The following RBM26 variants were observed in gnomAD, a reference collection of about 807,000 sequenced individuals.
RBM26 encodes the protein RNA-binding protein 26.
A neutral mutation model predicts 123.6 loss-of-function variants in RBM26; 30 were observed. That is an observed-to-expected ratio of 0.24 (90% CI 0.18 to 0.33). The LOEUF is 0.33. RBM26 is among the 10% of genes least tolerant of loss of function. RBM26 has a pLI of 1.00. For missense variants in RBM26, 947 were observed against 1,203.6 expected (o/e 0.79, Z 3.15); for synonymous variants, 400 against 404.4 (o/e 0.99, Z 0.13).
At chr13:79,375,078 A>ATC (rs2076529996) in intron 3 of RBM26, among the ~76,000 whole-genome samples, 1 of 24,794 alleles carries the variant, frequency 4.0e-5, no homozygotes, top group Non-Finnish European at 7.1e-5. Context: ...TATTTATATG[A>ATC]TATATATAAA....
intron 1 of RBM26, among the ~76,000 whole-genome samples, chr13:79,405,029 T>C (rs139310372): frequency 6.6e-6 from 1 of 152,318 alleles, no homozygotes; most frequent in East Asian, 1.9e-4. Flanking sequence ...ACTCCTTAAA[T>C]TTTCCAATCT....
chr13:79,355,429 G>A, intron 11 of RBM26, 45 bp from the exon 12 acceptor site: 6 of 1,515,496 alleles, frequency 4.0e-6, no homozygotes, highest in Non-Finnish European at 5.4e-6. Context: ...AAAGGAATCT[G>A]TTGCTTCATA....
At chr13:79,345,456 A>G (rs1471634829) in intron 14 of RBM26, among the ~76,000 whole-genome samples, 1 of 152,056 alleles carries the variant, frequency 6.6e-6, no homozygotes, top group Admixed American at 6.6e-5. Flanking sequence ...TAGTAAAAAA[A>G]AACGACCTGA....
At chr13:79,361,089 T>C (rs185368117) in intron 9 of RBM26, among the ~76,000 whole-genome samples, 1 of 152,296 alleles carries the variant, frequency 6.6e-6, no homozygotes, top group African/African-American at 2.4e-5. Context: ...CTGGAAATCC[T>C]ACAGGTATCT....
chr13:79,366,671 G>A lies in RBM26; in HGVS notation c.1097C>T (p.Pro366Leu), dbSNP rs150950117. The A allele has an allele frequency of 3.9e-5, 62 of 1,593,410 alleles. No individual in the cohort carries two copies. Among genetic ancestry groups the A allele is most frequent in the African/African-American group, 6.7e-5 (5 of 74,268 alleles). The change falls in exon 7 of 22, where the codon CCG (proline) becomes CTG (leucine). Residue 366 changes from proline to leucine, a missense_variant. Around this residue, in one of 5 missense-constraint regions of RBM26, gnomAD observed 493 missense variants for 563.1 expected, o/e 0.88. Coordinates refer to ENST00000438737, the MANE Select transcript of RBM26 (RefSeq NM_001366735.2). Reference sequence around the variant, plus strand: ...GAGACTGGGTGGCAATGGACCTGGCGGTGGTACTGGGGGCCTGAGATTCAC... The same window carrying A: ...GAGACTGGGTGGCAATGGACCTGGCAGTGGTACTGGGGGCCTGAGATTCAC... ...PPVNLRPPVP[P>L]PGPLPPSLPP...
At chr13:79,341,759 A>G (rs559643815) in intron 17 of RBM26, among the ~76,000 whole-genome samples, 5 of 151,802 alleles carry the variant, frequency 3.3e-5, no homozygotes, top group South Asian at 2.1e-4. Context: ...GAATTGTTTC[A>G]CTTGTTCAAA....
intron 1 of RBM26, among the ~76,000 whole-genome samples, chr13:79,401,471 T>A (rs1167918521): frequency 1.3e-5 from 2 of 152,208 alleles, no homozygotes; most frequent in Non-Finnish European, 2.9e-5. Context: ...AATAACTTCA[T>A]GCTTCAGTGC....
intron 1 of RBM26, among the ~76,000 whole-genome samples, chr13:79,396,336 T>C (rs2078562014): frequency 6.6e-6 from 1 of 152,146 alleles, no homozygotes; most frequent in Non-Finnish European, 1.5e-5. Flanking sequence ...TTAACATTGT[T>C]CTTTAATAAG....
At chr13:79,362,542 C>T (rs144249330) in intron 9 of RBM26, among the ~76,000 whole-genome samples, 2 of 152,266 alleles carry the variant, frequency 1.3e-5, no homozygotes, top group East Asian at 1.9e-4. Flanking sequence ...CTAACTCTGA[C>T]TTATCCTACA....
At position 79,319,205 on chromosome 13, in the gene RBM26, G is replaced by A; in HGVS notation, c.*1416C>T. ...TCCACTGGCAGAAGACTATGGTGGT[G>A]GTGGAACAACAGCTTTTGATTGTGA... is the stretch of plus-strand genomic sequence containing the variant. On this transcript the variant is annotated 3_prime_UTR_variant, in exon 22 of 22. Transcript: ENST00000438737. 1 of 984,500 alleles carries A rather than the reference G, an allele frequency of 1.0e-6. No individual in the cohort carries two copies. Among genetic ancestry groups the A allele is most frequent in the South Asian group, 4.7e-5 (1 of 21,276 alleles). 61.0% of individuals were successfully genotyped at this position (984,500 alleles called of 1,614,324 possible).
rs1366866947 is a variant in RBM26, at chr13:79,358,325, G to A, written c.1638C>T (p.Ile546=). 5.6e-6 allele frequency: 9 copies of A among 1,610,534 alleles called. No individual in the cohort carries two copies. Among genetic ancestry groups the A allele is most frequent in the Non-Finnish European group, 7.6e-6 (9 of 1,178,678 alleles). ...LRKVPPELNN[I]SKLNEHFSRF... is the part of the protein sequence containing the mutation. Reference sequence around the variant, plus strand: ...GACTAAAATGTTCATTAAGTTTGCTGATATTATTTAATTCTGGAGGAACTT... The same window carrying A: ...GACTAAAATGTTCATTAAGTTTGCTAATATTATTTAATTCTGGAGGAACTT... Residue 546 remains isoleucine (I), a synonymous_variant, in exon 11 of 22, where the codon ATC becomes ATT. Transcript: ENST00000438737.
At chr13:79,393,831 G>A (rs961339458) in intron 1 of RBM26, among the ~76,000 whole-genome samples, 4 of 152,084 alleles carry the variant, frequency 2.6e-5, no homozygotes, top group Non-Finnish European at 4.4e-5. Flanking sequence ...GCCTAAAACC[G>A]TGCAGTGCTT....
At chr13:79,401,945 T>C (rs2079084894) in intron 1 of RBM26, among the ~76,000 whole-genome samples, 1 of 151,878 alleles carries the variant, frequency 6.6e-6, no homozygotes, top group Non-Finnish European at 1.5e-5. Flanking sequence ...AAAACCTCAG[T>C]ACGTCATTAC....
At chr13:79,339,330 G>C (rs774205922) in intron 18 of RBM26, among the ~76,000 whole-genome samples, 1 of 152,068 alleles carries the variant, frequency 6.6e-6, no homozygotes, top group Non-Finnish European at 1.5e-5. Flanking sequence ...GTAAGTTCTA[G>C]AGATCTATTG....
chr13:79,314,830 A>G (rs891394227), downstream of RBM26: 2 of 420,364 alleles, frequency 4.8e-6, no homozygotes, highest in Non-Finnish European at 8.8e-6. Flanking sequence ...AGAGAACTGT[A>G]GAGATAAAAT....
rs993252493 is a variant in RBM26, at chr13:79,346,177, G to A, written c.2059-1383C>T. Reference sequence around the variant, plus strand: ...TTAACATCTGGTTAACAGGTAAGTAGCAATCTGAAGACTACTTTCTAATCT... The same window carrying A: ...TTAACATCTGGTTAACAGGTAAGTAACAATCTGAAGACTACTTTCTAATCT... On this transcript the variant is annotated intron_variant, in intron 14 of 21. Coordinates refer to ENST00000438737, the MANE Select transcript of RBM26 (RefSeq NM_001366735.2). Among the ~76,000 whole-genome samples the A allele has an allele frequency of 2.0e-5, 3 of 152,172 alleles. No individual in the cohort carries two copies. The East Asian group carries it at 5.8e-4, about 29-fold the overall frequency.
intron 3 of RBM26, among the ~76,000 whole-genome samples, chr13:79,375,094 A>ATT (rs1358682483): frequency 1.1e-5 from 1 of 90,470 alleles, no homozygotes; most frequent in Non-Finnish European, 2.3e-5. Context: ...ATAAATATAT[A>ATT]TTTATATATA....
intron 3 of RBM26, among the ~76,000 whole-genome samples, chr13:79,374,640 A>G (rs1430130850): frequency 6.6e-6 from 1 of 152,084 alleles, no homozygotes; most frequent in Non-Finnish European, 1.5e-5. Flanking sequence ...CACCTATTCC[A>G]GCTCTCCTCC....
At chr13:79,350,311 T>C (rs2073044621) in intron 14 of RBM26, among the ~76,000 whole-genome samples, 1 of 152,184 alleles carries the variant, frequency 6.6e-6, no homozygotes. Context: ...AGATTAAATA[T>C]TCCACTGGTT....
Sources: allele counts gnomAD v4.1 joint callset (sites outside exome capture counted in the v4.1 genomes callset), GRCh38; gene constraint gnomAD v4.1.1; regional missense constraint gnomAD v4.1.1; transcripts MANE v1.5; gene names NCBI Gene and HGNC (gene_info 2026-07-23, HGNC 2026-07-21).